SULT4A1: variants seen among roughly 807,000 people sequenced by gnomAD.
The protein encoded by SULT4A1 is sulfotransferase 4A1.
SULT4A1 carries 11 observed loss-of-function variants against 35.2 expected under a neutral mutation model. That is an observed-to-expected ratio of 0.31 (90% CI 0.20 to 0.52). SULT4A1 has a LOEUF of 0.52. SULT4A1 is among the 20% of genes least tolerant of loss of function. The pLI is 0.97. For missense variants in SULT4A1, 271 were observed against 383.7 expected (o/e 0.71, Z 2.45); for synonymous variants, 152 against 151.8 (o/e 1.00, Z -0.01).
At chr22:43,858,087 G>C (rs78311048) in intron 1 of SULT4A1, among the ~76,000 whole-genome samples, 2 of 140,498 alleles carry the variant, frequency 1.4e-5, no homozygotes, top group African/African-American at 5.3e-5. Flanking sequence ...GAAAAAAAAA[G>C]AAAGAAAGAA....
chr22:43,835,723 C>T (rs1034533942), intron 4 of SULT4A1, among the ~76,000 whole-genome samples: 2 of 152,168 alleles, frequency 1.3e-5, no homozygotes, highest in African/African-American at 4.8e-5. Flanking sequence ...TAAAGAAAAA[C>T]CCCACTTCAT....
rs752977608 is a variant in SULT4A1 at position 43,825,989 on chromosome 22, T to C, written c.*12A>G. 5.0e-6 allele frequency: 8 copies of C among 1,612,474 alleles called. No homozygotes were observed. In the Admixed American group the frequency reaches 1.2e-4, roughly 24 times the overall value. ...CTGGGTATTGTGAGCATGCAGGTTG[T>C]TGTTTCTGTTATTATAAATAAAAGT... is the stretch of plus-strand genomic sequence containing the variant. On this transcript the variant is annotated 3_prime_UTR_variant, in exon 7 of 7. Transcript: ENST00000330884.
intron 1 of SULT4A1, among the ~76,000 whole-genome samples, chr22:43,859,363 C>A (rs943189487): frequency 6.6e-6 from 1 of 152,236 alleles, no homozygotes; most frequent in Non-Finnish European, 1.5e-5. Context: ...AGTGAGAATG[C>A]GCACACACTT....
chr22:43,830,795 G>A (rs556672354), intron 5 of SULT4A1, among the ~76,000 whole-genome samples: 15 of 152,162 alleles, frequency 9.9e-5, no homozygotes, highest in Non-Finnish European at 2.1e-4. Context: ...GGCAGTGAGC[G>A]CTCTGGCAGG....
chr22:43,841,988 C>G, intron 1 of SULT4A1, 56 bp from the exon 2 acceptor site: 1 of 1,576,862 alleles, frequency 6.3e-7, no homozygotes, highest in Non-Finnish European at 8.6e-7. Flanking sequence ...GCGCCCGGCC[C>G]TGTGCTCGGG....
intron 6 of SULT4A1, chr22:43,827,667 A>G: frequency 7.3e-7 from 1 of 1,365,068 alleles, no homozygotes; most frequent in Non-Finnish European, 9.8e-7. Flanking sequence ...CAAAGAACTG[A>G]AATAAAGCAA....
chr22:43,841,285 G>A (rs547339071), intron 2 of SULT4A1, among the ~76,000 whole-genome samples: 68 of 152,168 alleles, frequency 4.5e-4, no homozygotes, highest in Non-Finnish European at 9.3e-4. Context: ...TTGGAATGCT[G>A]CTCCAGAGGG....
intron 1 of SULT4A1, among the ~76,000 whole-genome samples, chr22:43,857,934 T>G (rs184111028): frequency 1.8e-3 from 276 of 150,408 alleles, no homozygotes; most frequent in African/African-American, 6.1e-3. Context: ...CCTGCAGTCC[T>G]AGCTACTTGG....
At chr22:43,840,111 A>T in intron 2 of SULT4A1, 86 bp from the exon 3 acceptor site, 4 of 737,068 alleles carry the variant, frequency 5.4e-6, no homozygotes, top group Non-Finnish European at 6.3e-6. Flanking sequence ...GGGCCAGAGG[A>T]GGAAGGAAGG....
chr22:43,855,711 T>A lies in SULT4A1; in HGVS notation c.169+6503A>T, dbSNP rs553137109. 3.3e-5 allele frequency among the ~76,000 whole-genome samples: 5 copies of A among 152,190 alleles called. No homozygotes were observed. In the East Asian group the frequency reaches 9.7e-4, roughly 29 times the overall value. On this transcript the variant is annotated intron_variant, in intron 1 of 6. Coordinates refer to ENST00000330884, the MANE Select transcript of SULT4A1 (RefSeq NM_014351.4). ...TCCCACATCCCAGGAGCTACAGACA[T>A]GCCCACCACCTGATCTAGTGGTCGG...
intron 6 of SULT4A1, 154 bp from the exon 7 acceptor site, chr22:43,826,267 C>G (rs2148274058): frequency 1.0e-6 from 1 of 985,444 alleles, no homozygotes; most frequent in Non-Finnish European, 1.2e-6. Context: ...GTCTGAGCTA[C>G]AGACCAGGTG....
chr22:43,854,971 G>A (rs993265047), intron 1 of SULT4A1, among the ~76,000 whole-genome samples: 6 of 152,206 alleles, frequency 3.9e-5, no homozygotes, highest in African/African-American at 1.2e-4. Flanking sequence ...AAACCAGCTC[G>A]GCTGCCTCCA....
intron 2 of SULT4A1, 53 bp downstream of exon 2, chr22:43,841,749 C>G: frequency 6.3e-7 from 1 of 1,586,214 alleles, no homozygotes; most frequent in Non-Finnish European, 8.6e-7. Context: ...CAGGGTGTAA[C>G]GGTAGAAATA....
In SULT4A1 at chr22:43,862,206, G is replaced by C. The variant is rs1414202144; in HGVS notation, c.169+8C>G. 2.0e-6 allele frequency: 3 copies of C among 1,537,490 alleles called. No homozygotes were observed. The highest frequency in any genetic ancestry group is 1.2e-5 in the South Asian group (1 of 85,470). On this transcript the variant is annotated splice_region_variant and intron_variant, in intron 1 of 6. Transcript: ENST00000330884. ...TGGCGTGGCGGGCGCGGTCGGCGCG[G>C]GGCTCACCGGACTTGGGGTAGGTGA...
chr22:43,833,866 C>T, intron 4 of SULT4A1, 132 bp from the exon 5 acceptor site: 1 of 754,284 alleles, frequency 1.3e-6, no homozygotes, highest in Non-Finnish European at 2.2e-6. Context: ...TCCCTGCGGA[C>T]AAGTCTGGCA....
At chr22:43,838,309 T>A (rs1293427406) in intron 4 of SULT4A1, among the ~76,000 whole-genome samples, 1 of 152,214 alleles carries the variant, frequency 6.6e-6, no homozygotes, top group Non-Finnish European at 1.5e-5. Flanking sequence ...CACATGGCAC[T>A]CTCGGCCCGG....
intron 4 of SULT4A1, among the ~76,000 whole-genome samples, chr22:43,837,922 T>C (rs998393750): frequency 2.0e-5 from 3 of 152,188 alleles, no homozygotes; most frequent in South Asian, 2.1e-4. Flanking sequence ...ATCACTTCCG[T>C]TGGGAAATAA....
intron 1 of SULT4A1, among the ~76,000 whole-genome samples, chr22:43,856,184 T>C (rs550560632): frequency 2.0e-4 from 30 of 152,312 alleles, no homozygotes; most frequent in African/African-American, 7.0e-4. Flanking sequence ...ACATCCTACT[T>C]GTACCCTTCT....
chr22:43,851,215 A>G (rs952527459), intron 1 of SULT4A1, among the ~76,000 whole-genome samples: 5 of 152,278 alleles, frequency 3.3e-5, no homozygotes, highest in Middle Eastern at 3.4e-3. Flanking sequence ...GGAGTCTTTG[A>G]TGATCACTCG....
Sources: allele counts gnomAD v4.1 joint callset (sites outside exome capture counted in the v4.1 genomes callset), GRCh38; gene constraint gnomAD v4.1.1; transcripts MANE v1.5; gene names NCBI Gene and HGNC (gene_info 2026-07-23, HGNC 2026-07-21).